TMC1: variants seen among roughly 807,000 people sequenced by gnomAD.
The protein encoded by TMC1 is transmembrane channel-like protein 1.
TMC1 carries 84 observed loss-of-function variants against 105.8 expected under a neutral mutation model. The observed-to-expected ratio is 0.79, with a 90% CI of 0.67 to 0.95. The LOEUF (loss-of-function observed/expected upper bound fraction) is 0.95, where lower values mean the gene tolerates loss of function less well. Ranked by LOEUF, TMC1 falls within the 40% of genes least tolerant of loss-of-function variation. TMC1 has a pLI of 0.00. For synonymous variants in TMC1, 315 were observed against 311.5 expected (o/e 1.01, Z -0.12); for missense variants, 817 against 914.1 (o/e 0.89, Z 1.37).
chr9:72,572,809 T>C (rs1824310284), intron 1 of TMC1, among the ~76,000 whole-genome samples: 1 of 152,030 alleles, frequency 6.6e-6, no homozygotes. Context: ...TGGCCAAACA[T>C]GGTGAAACCC....
Position 72,694,626 on chromosome 9 carries a change from A to G in TMC1, c.148A>G (p.Asn50Asp). 1 of 1,613,094 alleles carries G rather than the reference A, an allele frequency of 6.2e-7. No homozygotes were observed. The change falls in exon 7 of 24, where the codon AAT becomes GAT. Residue 50 changes from asparagine (N) to aspartate (D), a missense_variant. Transcript: ENST00000297784. ...GAGGAAACGGACCAGAGATGTTATC[A>G]ATGAGGATGACCCAGAACCTGAACC... ...PKRKRTRDVI[N>D]EDDPEPEPED...
intron 17 of TMC1, among the ~76,000 whole-genome samples, chr9:72,793,939 C>G (rs531752584): frequency 4.3e-4 from 66 of 152,322 alleles, no homozygotes; most frequent in African/African-American, 1.6e-3. Context: ...TCCTCTGCCA[C>G]TACCTCTGCA....
rs139886269 is a variant in TMC1, at chr9:72,664,831, A to G, written c.16+16167A>G. Among the ~76,000 whole-genome samples, 401 of 152,288 alleles carry G rather than the reference A, an allele frequency of 2.6e-3. 5 individuals are homozygous for G. The highest frequency in any genetic ancestry group is 0.02 in the East Asian group (102 of 5,170). On this transcript the variant is annotated intron_variant, in intron 5 of 23. Transcript: ENST00000297784. ...ACTGGACAAGAACCTGGGTACCAAGAGGGCACTGAGCTGGTTAACACTTAA... is the reference window on the plus strand; with the variant it reads ...ACTGGACAAGAACCTGGGTACCAAGGGGGCACTGAGCTGGTTAACACTTAA...
At chr9:72,563,724 C>A (rs779439397) in intron 1 of TMC1, among the ~76,000 whole-genome samples, 4 of 151,690 alleles carry the variant, frequency 2.6e-5, no homozygotes, top group Non-Finnish European at 4.4e-5. Context: ...CATGGTGAAA[C>A]CCCATCTCTA....
chr9:72,693,130 A>C (rs991786347), intron 6 of TMC1, among the ~76,000 whole-genome samples: 1 of 151,938 alleles, frequency 6.6e-6, no homozygotes, highest in Non-Finnish European at 1.5e-5. Context: ...AAAAAAAAAA[A>C]AAAAGTGAAG....
chr9:72,572,931 G>A (rs1203302874), intron 1 of TMC1, among the ~76,000 whole-genome samples: 1 of 152,150 alleles, frequency 6.6e-6, no homozygotes, highest in Non-Finnish European at 1.5e-5. Context: ...GGTGGAGGCT[G>A]TGGTAAGCCA....
intron 12 of TMC1, among the ~76,000 whole-genome samples, chr9:72,769,023 A>G (rs1307782932): frequency 6.6e-6 from 1 of 151,950 alleles, no homozygotes; most frequent in Non-Finnish European, 1.5e-5. Context: ...TTTCACTGAG[A>G]AGGTATGGCA....
At chr9:72,630,621 C>T (rs780560838) in intron 4 of TMC1, among the ~76,000 whole-genome samples, 3 of 151,952 alleles carry the variant, frequency 2.0e-5, no homozygotes, top group Non-Finnish European at 4.4e-5. Flanking sequence ...GCATTTAATA[C>T]AATTCTAGCT....
chr9:72,728,350 CTT>C (rs1341072870), intron 8 of TMC1, among the ~76,000 whole-genome samples: 1 of 152,140 alleles, frequency 6.6e-6, no homozygotes, highest in Non-Finnish European at 1.5e-5. Context: ...GGTGCCCTCT[CTT>C]GACTGATAAG....
intron 1 of TMC1, among the ~76,000 whole-genome samples, chr9:72,567,520 AT>A (rs1824183555): frequency 6.6e-6 from 1 of 152,176 alleles, no homozygotes; most frequent in Non-Finnish European, 1.5e-5. Flanking sequence ...GAAACTTACA[AT>A]TATGGCAGAG....
At position 72,642,158 on chromosome 9, in the gene TMC1, A is replaced by G. The variant is rs1017872591; in HGVS notation, c.-52-6439A>G. On this transcript the variant is annotated intron_variant, in intron 4 of 23. Transcript: ENST00000297784. ...GGTGATTAAGGACTTCACGAAGTAG[A>G]TGAAATAACACCCAGAATTTGGCTG... 5.9e-5 allele frequency among the ~76,000 whole-genome samples: 9 copies of G among 152,296 alleles called. No individual in the cohort carries two copies. The East Asian group carries it at 1.7e-3, about 29-fold the overall frequency.
rs1290308740 is a variant in TMC1, at chr9:72,837,596, C to T, written c.*1623C>T. 6.6e-6 allele frequency: 1 copy of T among 152,120 alleles called. No individual in the cohort carries two copies. The highest frequency in any genetic ancestry group is 1.9e-4 in the East Asian group (1 of 5,200). 9.4% of individuals were successfully genotyped at this position (152,120 alleles called of 1,614,324 possible). A position where few individuals can be genotyped will look rare whatever the true frequency, so the allele number is the denominator to read the frequency against. ...GCCTTAATTTATAGATATGTTTAAGCATTATTATGGATTTACAGTTTGAAT... is the reference window on the plus strand; with the variant it reads ...GCCTTAATTTATAGATATGTTTAAGTATTATTATGGATTTACAGTTTGAAT... On this transcript the variant is annotated 3_prime_UTR_variant, in exon 24 of 24. Transcript: ENST00000297784.
chr9:72,713,500 G>A (rs1384364708), intron 8 of TMC1, among the ~76,000 whole-genome samples: 1 of 152,128 alleles, frequency 6.6e-6, no homozygotes, highest in East Asian at 1.9e-4. Context: ...TTCAGTTTTA[G>A]GAGGGTGTAT....
At chr9:72,664,386 G>T (rs1334988091) in intron 5 of TMC1, among the ~76,000 whole-genome samples, 1 of 152,106 alleles carries the variant, frequency 6.6e-6, no homozygotes, top group East Asian at 1.9e-4. Context: ...CAGTTCCCTG[G>T]CAAAAGCCTT....
intron 1 of TMC1, among the ~76,000 whole-genome samples, chr9:72,570,241 G>T (rs1824252125): frequency 1.3e-5 from 1 of 75,160 alleles, no homozygotes; most frequent in Admixed American, 1.4e-4. Flanking sequence ...GTGTGTGTGT[G>T]TGTGTGTGTG....
intron 11 of TMC1, among the ~76,000 whole-genome samples, chr9:72,752,908 A>G (rs1420424054): frequency 6.6e-6 from 1 of 152,178 alleles, no homozygotes; most frequent in Non-Finnish European, 1.5e-5. Flanking sequence ...AATAGTACAA[A>G]GCACTTTCAC....
intron 21 of TMC1, among the ~76,000 whole-genome samples, chr9:72,829,143 A>G (rs915385143): frequency 2.0e-5 from 3 of 152,096 alleles, no homozygotes; most frequent in Non-Finnish European, 4.4e-5. Flanking sequence ...ATATTTTTTC[A>G]AATTCTGAGA....
At chr9:72,774,080 G>A (rs1308151723) in intron 13 of TMC1, among the ~76,000 whole-genome samples, 1 of 152,012 alleles carries the variant, frequency 6.6e-6, no homozygotes, top group Non-Finnish European at 1.5e-5. Context: ...TAATTCATAG[G>A]CTTATTTAAG....
chr9:72,655,143 C>T (rs779107745), intron 5 of TMC1, among the ~76,000 whole-genome samples: 1 of 152,110 alleles, frequency 6.6e-6, no homozygotes, highest in East Asian at 1.9e-4. Context: ...TTATAAGTGT[C>T]TGACATTTCC....
Sources: allele counts gnomAD v4.1 joint callset (sites outside exome capture counted in the v4.1 genomes callset), GRCh38; gene constraint gnomAD v4.1.1; transcripts MANE v1.5; gene names NCBI Gene and HGNC (gene_info 2026-07-23, HGNC 2026-07-21).